Variants in TXNDC8 observed in about 807,000 individuals in gnomAD.
TXNDC8 encodes thioredoxin domain-containing protein 8.
Under a neutral mutation model 12.9 loss-of-function variants are expected in TXNDC8, and 15 were observed. The ratio of observed to expected loss-of-function variants is 1.16; its 90% CI spans 0.78 to 1.79. The LOEUF (loss-of-function observed/expected upper bound fraction) is 1.79, where lower values mean the gene tolerates loss of function less well. TXNDC8 is among the 40% of genes most tolerant of loss of function. TXNDC8 has a pLI of 0.00. For synonymous variants in TXNDC8, 40 were observed against 35.4 expected, an observed-to-expected ratio of 1.13 and a Z score of -0.46; for missense variants, 128 against 113.2, an observed-to-expected ratio of 1.13 and a Z score of -0.59.
downstream of TXNDC8, among the ~76,000 whole-genome samples, chr9:110,302,164 AT>A (rs889946789): frequency 9.0e-5 from 13 of 145,074 alleles, no homozygotes; most frequent in South Asian, 2.2e-4. Flanking sequence ...TAATTTTTGT[AT>A]TTTTTTTTTC....
chr9:110,315,509 C>A (rs1030039871), intron 3 of TXNDC8, among the ~76,000 whole-genome samples: 17 of 152,294 alleles, frequency 1.1e-4, no homozygotes, highest in Admixed American at 1.0e-3. Flanking sequence ...CACAAATGGA[C>A]TTCCAAGAGT....
chr9:110,318,094 C>T (rs1838951373), intron 3 of TXNDC8, among the ~76,000 whole-genome samples: 1 of 152,204 alleles, frequency 6.6e-6, no homozygotes, highest in Non-Finnish European at 1.5e-5. Context: ...TATGTCACAA[C>T]TACTCCCCTA....
intron 3 of TXNDC8, among the ~76,000 whole-genome samples, chr9:110,321,304 G>A (rs992827011): frequency 7.2e-5 from 11 of 152,156 alleles, no homozygotes; most frequent in African/African-American, 2.7e-4. Context: ...GGCAAAAAGA[G>A]AAGCCCAAGG....
chr9:110,332,391 AG>A (rs1839580805), intron 2 of TXNDC8, among the ~76,000 whole-genome samples: 1 of 152,200 alleles, frequency 6.6e-6, no homozygotes, highest in Non-Finnish European at 1.5e-5. Flanking sequence ...TAGGCGGATA[AG>A]GGATGTTGTG....
Position 110,310,187 on chromosome 9 carries a change from G to A in TXNDC8, c.196-5655C>T, listed in dbSNP as rs144440217. 4.1e-3 allele frequency among the ~76,000 whole-genome samples: 567 copies of A among 137,994 alleles called. 3 individuals carry two copies. The highest frequency in any genetic ancestry group is 0.014 in the African/African-American group (529 of 37,244). The allele number at this position is 137,994 out of a possible 152,430, so 90.5% of individuals were successfully genotyped here. A position where few individuals can be genotyped will look rare whatever the true frequency, so the allele number is the denominator to read the frequency against. ...AAACTATAGAGTTCCTAAGTTATAGGATCTTTGTGTGTGGTGTGTGTGTGT... is the reference window on the plus strand; with the variant it reads ...AAACTATAGAGTTCCTAAGTTATAGAATCTTTGTGTGTGGTGTGTGTGTGT... On this transcript the variant is annotated intron_variant, in intron 3 of 4. Coordinates refer to ENST00000423740, the MANE Select transcript of TXNDC8 (RefSeq NM_001286946.2).
rs1328175802 is a variant in TXNDC8, at chr9:110,304,497, G to A, written c.231C>T (p.Cys77=). The A allele has an allele frequency of 7.5e-6, 12 of 1,609,438 alleles. No homozygotes were observed. In the Admixed American group the frequency reaches 1.2e-4, roughly 16 times the overall value. ...TGCTCATGAATCCACTTCTATAACA[G>A]CAAATTATTCTTTTGATTCTTGAGA... The change falls in exon 4 of 5, where the codon TGC becomes TGT. Residue 77 remains cysteine, a synonymous_variant. Transcript: ENST00000423740.
intron 3 of TXNDC8, among the ~76,000 whole-genome samples, chr9:110,320,684 CT>C (rs1839057993): frequency 6.6e-6 from 1 of 152,154 alleles, no homozygotes; most frequent in Non-Finnish European, 1.5e-5. Context: ...GGTTCATAGC[CT>C]TTATTAGATT....
chr9:110,303,458 G>T, downstream of TXNDC8: 1 of 1,487,180 alleles, frequency 6.7e-7, no homozygotes, highest in Admixed American at 2.0e-5. Context: ...GGAAATGAAA[G>T]CACAAACACA....
At chr9:110,330,838 G>A (rs1449042262) in intron 2 of TXNDC8, among the ~76,000 whole-genome samples, 1 of 152,084 alleles carries the variant, frequency 6.6e-6, no homozygotes, top group African/African-American at 2.4e-5. Flanking sequence ...GGAAAAGTTT[G>A]TTGACCCCTG....
chr9:110,304,648 C>T lies in TXNDC8; in HGVS notation c.196-116G>A, dbSNP rs1385020505. 6 of 916,368 alleles carry T rather than the reference C, an allele frequency of 6.5e-6. No individual in the cohort carries two copies. The African/African-American group carries it at 6.8e-5, about 10-fold the overall frequency. 56.8% of individuals were successfully genotyped at this position (916,368 alleles called of 1,614,324 possible). A position where few individuals can be genotyped will look rare whatever the true frequency, so the allele number is the denominator to read the frequency against. On this transcript the variant is annotated intron_variant, in intron 3 of 4. Transcript: ENST00000423740. The stretch of plus-strand genomic sequence containing the variant: ...GAAGGAAGGTGTCAGAAAGGATCTG[C>T]AAAAGTTTCTCTTTGCTAAGAGTTA...
intron 4 of TXNDC8, 58 bp downstream of exon 5, chr9:110,304,409 T>G: frequency 6.7e-7 from 1 of 1,491,136 alleles, no homozygotes; most frequent in Non-Finnish European, 9.3e-7. Flanking sequence ...GTCATTATAT[T>G]TATTCCTTCA....
intron 3 of TXNDC8, among the ~76,000 whole-genome samples, chr9:110,307,945 C>T (rs540610436): frequency 6.6e-6 from 1 of 152,338 alleles, no homozygotes; most frequent in African/African-American, 2.4e-5. Flanking sequence ...GGCACATGTT[C>T]TCAACCTTGG....
intron 2 of TXNDC8, among the ~76,000 whole-genome samples, chr9:110,326,910 T>C (rs1839341503): frequency 6.7e-6 from 1 of 150,078 alleles, no homozygotes. Flanking sequence ...ATCATTTTGT[T>C]GGCATTAAAT....
chr9:110,336,764 TAAAAA>T (rs1839776342), intron 1 of TXNDC8, among the ~76,000 whole-genome samples: 1 of 151,638 alleles, frequency 6.6e-6, no homozygotes, highest in African/African-American at 2.4e-5. Context: ...ATAAAGAAAA[TAAAAA>T]GAAAATGAAG....
intron 3 of TXNDC8, among the ~76,000 whole-genome samples, chr9:110,311,439 C>T (rs970982052): frequency 1.4e-5 from 2 of 142,854 alleles, no homozygotes; most frequent in Non-Finnish European, 3.0e-5. Flanking sequence ...AATTCAAAAG[C>T]TTATTTAAAG....
At chr9:110,321,724 GA>G (rs60564039) in intron 3 of TXNDC8, among the ~76,000 whole-genome samples, 3,270 of 141,738 alleles carry the variant, frequency 0.023, 49 homozygotes, top group East Asian at 0.096. Flanking sequence ...TCAGTTCTAT[GA>G]AAAAAAAAAA....
At chr9:110,312,707 C>T (rs1005189221) in intron 3 of TXNDC8, among the ~76,000 whole-genome samples, 1 of 152,202 alleles carries the variant, frequency 6.6e-6, no homozygotes, top group African/African-American at 2.4e-5. Context: ...TACAAATACT[C>T]AGTCCAAGTA....
intron 1 of TXNDC8, 102 bp downstream of exon 1, chr9:110,337,671 T>G (rs1588000665): frequency 9.1e-7 from 1 of 1,098,398 alleles, no homozygotes; most frequent in Non-Finnish European, 1.4e-6. Context: ...TACAATGCAA[T>G]GATAGAATAC....
chr9:110,321,444 G>A (rs1161349786), intron 3 of TXNDC8, among the ~76,000 whole-genome samples: 2 of 152,186 alleles, frequency 1.3e-5, no homozygotes, highest in Non-Finnish European at 2.9e-5. Flanking sequence ...ATTTAAAAGG[G>A]TATAATGGAC....
Sources: gnomAD v4.1 joint callset for allele counts (sites outside exome capture counted in the v4.1 genomes callset) on GRCh38, gnomAD v4.1.1 for gene constraint, MANE v1.5 for transcripts, NCBI Gene and HGNC (gene_info 2026-07-23, HGNC 2026-07-21) for gene names.